The following PRKG1 variants were observed in gnomAD, a reference collection of about 807,000 sequenced individuals.
The protein encoded by PRKG1 is protein kinase cGMP-dependent 1.
A neutral mutation model predicts 88.1 loss-of-function variants in PRKG1; 35 were observed. The ratio of observed to expected loss-of-function variants is 0.40; its 90% CI spans 0.30 to 0.53. PRKG1 has a LOEUF of 0.53. Among genes scored for constraint, PRKG1 ranks in the 20% least tolerant of loss-of-function variants. The pLI is 0.59. For missense variants in PRKG1, 540 were observed against 839.8 expected (o/e 0.64, Z 4.41); for synonymous variants, 303 against 292.5 (o/e 1.04, Z -0.37).
At chr10:51,832,881 G>A (rs902667637) in intron 4 of PRKG1, among the ~76,000 whole-genome samples, 1 of 152,074 alleles carries the variant, frequency 6.6e-6, no homozygotes, top group Non-Finnish European at 1.5e-5. Context: ...GGCCCTCAGA[G>A]GAATAGGTGA....
At chr10:52,141,782 A>G (rs1327811915) in intron 8 of PRKG1, among the ~76,000 whole-genome samples, 3 of 152,144 alleles carry the variant, frequency 2.0e-5, no homozygotes, top group South Asian at 2.1e-4. Flanking sequence ...ATAAGTCAGA[A>G]AGTCATAGAA....
intron 3 of PRKG1, among the ~76,000 whole-genome samples, chr10:51,546,787 C>T (rs1317795510): frequency 2.0e-5 from 3 of 152,080 alleles, no homozygotes; most frequent in African/African-American, 4.8e-5. Flanking sequence ...CAGAACTTCT[C>T]TTATGGCTAG....
intron 3 of PRKG1, among the ~76,000 whole-genome samples, chr10:51,688,251 T>C (rs1180579485): frequency 6.6e-6 from 1 of 152,120 alleles, no homozygotes; most frequent in Non-Finnish European, 1.5e-5. Context: ...GGCACCTAGA[T>C]TCTGCATTTC....
chr10:52,042,222 A>T (rs549575267), intron 5 of PRKG1, among the ~76,000 whole-genome samples: 1 of 152,270 alleles, frequency 6.6e-6, no homozygotes, highest in Non-Finnish European at 1.5e-5. Context: ...TAGAAAAATC[A>T]ATACTAAAAA....
intron 3 of PRKG1, among the ~76,000 whole-genome samples, chr10:51,744,823 G>A (rs1379093985): frequency 6.6e-6 from 1 of 152,160 alleles, no homozygotes; most frequent in Non-Finnish European, 1.5e-5. Context: ...GCTAATACAA[G>A]CACATCGACC....
intron 3 of PRKG1, chr10:51,699,008 A>G: frequency 1.5e-5 from 25 of 1,614,224 alleles, no homozygotes; most frequent in Non-Finnish European, 2.0e-5. Flanking sequence ...TGGATCCATG[A>G]TTCTCATCAC....
In PRKG1 at chr10:51,887,209, G is replaced by A. The variant is rs956769297; in HGVS notation, c.699-20298G>A. On this transcript the variant is annotated intron_variant, in intron 4 of 17. Transcript: ENST00000373980. ...CATATTGACCAGGCTGGCCTCGAAC[G>A]CCTGGCCTCAAGTGATCTCCCTGTC... Among the ~76,000 whole-genome samples, 6 of 152,012 alleles carry A rather than the reference G, an allele frequency of 3.9e-5. No individual in the cohort carries two copies. In the East Asian group the frequency reaches 9.7e-4, roughly 25 times the overall value.
At chr10:51,652,722 C>G (rs962691472) in intron 3 of PRKG1, among the ~76,000 whole-genome samples, 1 of 152,002 alleles carries the variant, frequency 6.6e-6, no homozygotes, top group Non-Finnish European at 1.5e-5. Context: ...TCTATCATAT[C>G]TTTTTGTGGT....
chr10:51,553,040 A>G (rs564142270), intron 3 of PRKG1, among the ~76,000 whole-genome samples: 3 of 151,826 alleles, frequency 2.0e-5, no homozygotes, highest in Admixed American at 1.3e-4. Flanking sequence ...TAAAAATTTC[A>G]TCTGGCTTTT....
chr10:51,301,284 G>A lies in PRKG1; in HGVS notation c.478+147954G>A, dbSNP rs193108581. 2.1e-3 allele frequency among the ~76,000 whole-genome samples: 313 copies of A among 152,180 alleles called. 5 individuals carry two copies. The highest frequency in any genetic ancestry group is 5.8e-4 in the East Asian group (3 of 5,166). On this transcript the variant is annotated intron_variant, in intron 2 of 17. Transcript: ENST00000373980. ...AAGGGTATTTTTAATAACTTGGTAT[G>A]TTTGGGAGTCAAAGGAGGCCAAGTT...
intron 2 of PRKG1, among the ~76,000 whole-genome samples, chr10:51,169,187 C>T (rs1054354896): frequency 3.3e-5 from 5 of 152,064 alleles, no homozygotes; most frequent in Non-Finnish European, 5.9e-5. Context: ...CTTTTGAAGT[C>T]TCAGTACAAT....
At chr10:51,040,897 T>C (rs1305255227) in intron 1 of PRKG1, among the ~76,000 whole-genome samples, 1 of 152,184 alleles carries the variant, frequency 6.6e-6, no homozygotes, top group Non-Finnish European at 1.5e-5. Flanking sequence ...TCTTCAGGTT[T>C]TTTTCACATA....
chr10:51,044,266 TAAACTGGGTCTTGTG>T (rs1390682155), intron 1 of PRKG1, among the ~76,000 whole-genome samples: 1 of 152,222 alleles, frequency 6.6e-6, no homozygotes. Flanking sequence ...TAGATGAGCC[TAAACTGGGTCTTGTG>T]AAGGCCATGG....
At chr10:51,201,097 G>C (rs1383161870) in intron 2 of PRKG1, among the ~76,000 whole-genome samples, 1 of 152,122 alleles carries the variant, frequency 6.6e-6, no homozygotes, top group Non-Finnish European at 1.5e-5. Context: ...GTGACAAACT[G>C]TTCAATTTTT....
chr10:51,182,115 C>G (rs1358315997), intron 2 of PRKG1, among the ~76,000 whole-genome samples: 1 of 152,116 alleles, frequency 6.6e-6, no homozygotes, highest in African/African-American at 2.4e-5. Flanking sequence ...AAGAATATGA[C>G]ATACCTCTGG....
intron 8 of PRKG1, among the ~76,000 whole-genome samples, chr10:52,155,829 T>G (rs922557436): frequency 1.3e-5 from 2 of 151,798 alleles, no homozygotes. Context: ...AACAAGACCC[T>G]GTCCTGGAAA....
chr10:51,305,886 T>C (rs902521920), intron 2 of PRKG1, among the ~76,000 whole-genome samples: 8 of 152,198 alleles, frequency 5.3e-5, no homozygotes, highest in African/African-American at 1.9e-4. Flanking sequence ...AGAATAACTA[T>C]CACACACCAC....
At chr10:51,871,988 ACTTTTT>A (rs1841170594) in intron 4 of PRKG1, among the ~76,000 whole-genome samples, 1 of 152,170 alleles carries the variant, frequency 6.6e-6, no homozygotes, top group Non-Finnish European at 1.5e-5. Flanking sequence ...CCCTTAATGG[ACTTTTT>A]CTTTTCCATT....
intron 3 of PRKG1, among the ~76,000 whole-genome samples, chr10:51,763,758 T>G (rs1838085254): frequency 6.6e-6 from 1 of 152,166 alleles, no homozygotes; most frequent in Non-Finnish European, 1.5e-5. Context: ...AGGAATTTAT[T>G]TCTTACAGTT....
Sources: allele counts gnomAD v4.1 joint callset (sites outside exome capture counted in the v4.1 genomes callset), GRCh38; gene constraint gnomAD v4.1.1; transcripts MANE v1.5; gene names NCBI Gene and HGNC (gene_info 2026-07-23, HGNC 2026-07-21).